The following SCNN1D variants were observed in gnomAD, a reference collection of about 807,000 sequenced individuals.
SCNN1D encodes the protein sodium channel epithelial 1 subunit delta, also known as epithelial sodium channel subunit delta.
Under a neutral mutation model 87.8 loss-of-function variants are expected in SCNN1D, and 104 were observed. The ratio of observed to expected loss-of-function variants is 1.18; its 90% confidence interval spans 1.01 to 1.39. The LOEUF (loss-of-function observed/expected upper bound fraction) is 1.39, where lower values mean the gene tolerates loss of function less well. SCNN1D is among the 40% of genes most tolerant of loss of function. The pLI, the probability that SCNN1D is intolerant of heterozygous loss-of-function variation, is 0.00. For synonymous variants in SCNN1D, 628 were observed against 481.2 expected, an observed-to-expected ratio of 1.31 and a Z score of -3.99; for missense variants, 1,324 against 1,093.9, an observed-to-expected ratio of 1.21 and a Z score of -2.97.
chr1:1,290,582 C>T, intron 14 of SCNN1D, 27 bp downstream of exon 14: 1 of 1,612,514 alleles, frequency 6.2e-7, no homozygotes, highest in Non-Finnish European at 8.5e-7. Context: ...GGGGTCGCGG[C>T]CAGGGATCAT....
chr1:1,290,542 C>G lies in SCNN1D; in HGVS notation c.1846C>G (p.Pro616Ala). 1 of 1,612,700 alleles carries G rather than the reference C, an allele frequency of 6.2e-7. No individual in the cohort carries two copies. The highest frequency in any genetic ancestry group is 1.7e-5 in the Admixed American group (1 of 60,018). Residue 616 changes from proline (P) to alanine (A), a missense_variant, in exon 14 of 18, where the codon CCC becomes GCC. Transcript: ENST00000379116. ...CCGGCTCCCCTGTACCTCCCGCTGC[C>G]CCAGGCCCTGCAGGTGAGACGGGGG... ...THRLPCTSRC[P>A]RPCRESAFKL...
rs752178745 is a variant in SCNN1D at position 1,286,973 on chromosome 1, C to A, written c.1117C>A (p.Leu373Met). The A allele has an allele frequency of 6.2e-7, 1 of 1,610,822 alleles. No homozygotes were observed. The highest frequency in any genetic ancestry group is 1.3e-5 in the African/African-American group (1 of 74,880). ...CAGCCGGGTCAGAGTGGGGTTCAGA[C>A]TGGTGAGTGTCCCAGCCGGGGCCTG... is the stretch of plus-strand genomic sequence containing the variant. ...SGSRVRVGFR[L>M]CNSTGGDCFY... The change falls in exon 8 of 18, where the codon CTG becomes ATG. Residue 373 changes from leucine to methionine, a missense_variant and splice_region_variant. By Grantham distance (15) the Leu-to-Met change is conservative (BLOSUM62 2). Transcript: ENST00000379116.
intron 4 of SCNN1D, 101 bp from the exon 5 acceptor site, chr1:1,283,877 C>G: frequency 1.8e-6 from 1 of 563,596 alleles, no homozygotes; most frequent in Non-Finnish European, 2.9e-6. Flanking sequence ...CTCTGTCCCC[C>G]AGGAATTCCC....
chr1:1,287,164 C>A lies in SCNN1D; in HGVS notation c.1175C>A (p.Ala392Asp). The A allele has an allele frequency of 6.2e-7, 1 of 1,609,014 alleles. No individual in the cohort carries two copies. Among genetic ancestry groups the A allele is most frequent in the Non-Finnish European group, 8.5e-7 (1 of 1,177,018 alleles). ...CGAGGCTACACGTCAGGCGTGGCGGCTGTCCAGGACTGGTACCACTTCCAC... is the reference window on the plus strand; with the variant it reads ...CGAGGCTACACGTCAGGCGTGGCGGATGTCCAGGACTGGTACCACTTCCAC... The part of the protein sequence containing the change: ...FYRGYTSGVA[A>D]VQDWYHFHYV... The change falls in exon 9 of 18, where the codon GCT becomes GAT. Residue 392 changes from alanine (A) to aspartate (D), a missense_variant. Transcript: ENST00000379116.
chr1:1,280,806 C>A, intron 1 of SCNN1D, 140 bp downstream of exon 1: 1 of 634,104 alleles, frequency 1.6e-6, no homozygotes, highest in Non-Finnish European at 2.9e-6. Flanking sequence ...ACCTAGAAGG[C>A]AGCCCACACG....
At chr1:1,283,758 C>T (rs1640515735) in intron 4 of SCNN1D, among the ~76,000 whole-genome samples, 1 of 151,814 alleles carries the variant, frequency 6.6e-6, no homozygotes, top group Non-Finnish European at 1.5e-5. Flanking sequence ...CACTGTCCTC[C>T]CCCTCCCTCC....
At chr1:1,285,735 C>A (rs1485340131) in intron 6 of SCNN1D, 71 bp downstream of exon 6, 5 of 1,312,894 alleles carry the variant, frequency 3.8e-6, no homozygotes, top group Non-Finnish European at 5.2e-6. Flanking sequence ...AGCTCCAAGG[C>A]TACACTGAGA....
chr1:1,291,526 G>A lies in SCNN1D; in HGVS notation c.2325G>A (p.Arg775=). The change falls in exon 18 of 18, where the codon CGG becomes CGA. Residue 775 remains arginine, a synonymous_variant. Transcript: ENST00000379116. ...AGCCCAGCGGGCCTCATCTCCCACGGGTGATGCTTCCAGGGGTTCTGGCGG... is the reference window on the plus strand; with the variant it reads ...AGCCCAGCGGGCCTCATCTCCCACGAGTGATGCTTCCAGGGGTTCTGGCGG... The part of the protein sequence containing the change: ...DPEPSGPHLP[R]VMLPGVLAGV... 6.2e-7 allele frequency: 1 copy of A among 1,606,380 alleles called. No homozygotes were observed. Among genetic ancestry groups the A allele is most frequent in the Admixed American group, 1.7e-5 (1 of 59,658 alleles).
At chr1:1,287,323 C>A in intron 9 of SCNN1D, 24 bp downstream of exon 9, 1 of 1,545,366 alleles carries the variant, frequency 6.5e-7, no homozygotes. Flanking sequence ...GCGGGGGCCA[C>A]TCCTTCCGTC....
chr1:1,289,465 C>T (rs1398599844), intron 12 of SCNN1D, among the ~76,000 whole-genome samples: 15 of 25,088 alleles, frequency 6.0e-4, no homozygotes, highest in South Asian at 1.8e-3. Context: ...GTGTCTCTGC[C>T]CCGTCCCCCG....
intron 12 of SCNN1D, among the ~76,000 whole-genome samples, chr1:1,288,514 C>T (rs1434332467): frequency 8.9e-6 from 1 of 111,760 alleles, no homozygotes; most frequent in Non-Finnish European, 1.7e-5. Flanking sequence ...TGCCCCGTCC[C>T]GTGTCCCTGC....
In SCNN1D at chr1:1,291,819, G is replaced by C. The variant is rs1640829225; in HGVS notation, c.*209G>C. The C allele has an allele frequency of 4.3e-6, 2 of 462,730 alleles. No individual in the cohort carries two copies. Among genetic ancestry groups the C allele is most frequent in the Admixed American group, 3.8e-5 (1 of 26,246 alleles). 28.7% of individuals were successfully genotyped at this position (462,730 alleles called of 1,614,324 possible). ...GTCTCAAGGAGGCCCGGGGCGGAGG[G>C]GGGTTCCCGCGTGCACACGAGTGCG... On this transcript the variant is annotated 3_prime_UTR_variant, in exon 18 of 18. Coordinates refer to ENST00000379116, the MANE Select transcript of SCNN1D (RefSeq NM_001130413.4).
At position 1,291,216 on chromosome 1, in the gene SCNN1D, G is replaced by T. The variant is rs1317129749; in HGVS notation, c.2053-38G>T. 3 of 1,570,250 alleles carry T rather than the reference G, an allele frequency of 1.9e-6. No individual in the cohort carries two copies. The South Asian group carries it at 3.5e-5, about 18-fold the overall frequency. On this transcript the variant is annotated intron_variant, in intron 17 of 17. Transcript: ENST00000379116. ...GGCCCTGCACAGAAGGGGCACGGGG[G>T]CCTGGGCCCGCCCCTCACACCCGCA...
At chr1:1,290,731 G>A in intron 15 of SCNN1D, 37 bp downstream of exon 15, 1 of 1,610,400 alleles carries the variant, frequency 6.2e-7, no homozygotes, top group Non-Finnish European at 8.5e-7. Flanking sequence ...GGTGTGGACA[G>A]CCAGGCAGAC....
Position 1,287,592 on chromosome 1 carries a change from C to T in SCNN1D, c.1395C>T (p.Thr465=). Residue 465 remains threonine (T), a synonymous_variant, in exon 10 of 18, where the codon ACC becomes ACT. Transcript: ENST00000379116. ...GGACAGCTCAGCGCCCCGGCATCACCCACGGTGGGTGCCAGCCCCTGGCCG... is the reference window on the plus strand; with the variant it reads ...GGACAGCTCAGCGCCCCGGCATCACTCACGGTGGGTGCCAGCCCCTGGCCG... ...GVWTAQRPGI[T]HGVGLVLRVE... is the part of the protein sequence containing the mutation. 1.9e-6 allele frequency: 3 copies of T among 1,601,452 alleles called. No individual in the cohort carries two copies. Among genetic ancestry groups the T allele is most frequent in the Non-Finnish European group, 1.7e-6 (2 of 1,172,790 alleles).
chr1:1,281,737 G>T, intron 3 of SCNN1D, 127 bp downstream of exon 3: 1 of 867,846 alleles, frequency 1.2e-6, no homozygotes, highest in African/African-American at 1.7e-5. Flanking sequence ...TCATGGAAGG[G>T]GTGCTCTGCC....
rs965312104 is a variant in SCNN1D at position 1,285,941 on chromosome 1, C to T, written c.574C>T (p.Pro192Ser). The change falls in exon 7 of 18, where the codon CCC (proline) becomes TCC (serine). Residue 192 changes from proline to serine, a missense_variant. Coordinates refer to ENST00000379116, the MANE Select transcript of SCNN1D (RefSeq NM_001130413.4). ...CKQGQAAAQT[P>S]PRPGPPSAPP... ...CTGCACACAGGCTGCAGCCCAGACG[C>T]CCCCCAGGCCGGGGCCACCATCAGC... 6.5e-6 allele frequency: 10 copies of T among 1,548,806 alleles called. No individual in the cohort carries two copies. The highest frequency in any genetic ancestry group is 5.5e-5 in the African/African-American group (4 of 73,350).
intron 12 of SCNN1D, among the ~76,000 whole-genome samples, 185 bp downstream of exon 12, chr1:1,288,222 C>CT (rs1491260260): frequency 1.3e-4 from 17 of 129,496 alleles, no homozygotes; most frequent in African/African-American, 5.0e-4. Context: ...TGCTCCGTCC[C>CT]GTGTCTCTGC....
chr1:1,288,237 T>TTC (rs1553160018), intron 12 of SCNN1D, among the ~76,000 whole-genome samples, 200 bp downstream of exon 12: 19 of 111,300 alleles, frequency 1.7e-4, no homozygotes, highest in East Asian at 1.4e-3. Flanking sequence ...CTCTGCTCCG[T>TTC]CCCGTGTCTC....
Sources: gnomAD v4.1 joint callset for allele counts (sites outside exome capture counted in the v4.1 genomes callset) on GRCh38, gnomAD v4.1.1 for gene constraint, MANE v1.5 for transcripts, NCBI Gene and HGNC (gene_info 2026-07-23, HGNC 2026-07-21) for gene names.